BBS9: variants seen among roughly 807,000 people sequenced by gnomAD.
BBS9 encodes the protein Bardet-Biedl syndrome 9.
Under a neutral mutation model 117.7 loss-of-function variants are expected in BBS9, and 89 were observed. That is an observed-to-expected ratio of 0.76 (90% confidence interval 0.64 to 0.90). BBS9 has a LOEUF of 0.90. Among genes scored for constraint, BBS9 ranks in the 40% least tolerant of loss-of-function variants. BBS9 has a pLI of 0.00. For synonymous variants in BBS9, 379 were observed against 370.9 expected, an observed-to-expected ratio of 1.02 and a Z score of -0.25; for missense variants, 982 against 1,042.2, an observed-to-expected ratio of 0.94 and a Z score of 0.80.
intron 9 of BBS9, among the ~76,000 whole-genome samples, chr7:33,299,285 C>T (rs1021963011): frequency 3.3e-5 from 5 of 151,838 alleles, no homozygotes; most frequent in African/African-American, 4.8e-5. Flanking sequence ...TTCAAATTAC[C>T]CTTATTTTTG....
At chr7:33,159,969 C>T (rs1794613544) in intron 4 of BBS9, among the ~76,000 whole-genome samples, 1 of 152,142 alleles carries the variant, frequency 6.6e-6, no homozygotes, top group Admixed American at 6.6e-5. Context: ...AATAAGCAGT[C>T]TCTTTGTTAG....
At chr7:33,292,254 G>T (rs115236301) in intron 9 of BBS9, among the ~76,000 whole-genome samples, 1 of 151,948 alleles carries the variant, frequency 6.6e-6, no homozygotes, top group South Asian at 2.1e-4. Context: ...CTGAGACAAG[G>T]CCTCCCTCTG....
intron 5 of BBS9, among the ~76,000 whole-genome samples, chr7:33,231,674 A>G (rs1042138484): frequency 6.6e-6 from 1 of 152,026 alleles, no homozygotes; most frequent in Non-Finnish European, 1.5e-5. Flanking sequence ...GAAGTAGGTA[A>G]TTTAGATGCT....
chr7:33,232,550 G>A (rs1259888675), intron 5 of BBS9, among the ~76,000 whole-genome samples: 1 of 151,890 alleles, frequency 6.6e-6, no homozygotes. Context: ...AGATGCTAGA[G>A]CTCATCATTA....
At chr7:33,363,229 A>C (rs570274364) in intron 16 of BBS9, among the ~76,000 whole-genome samples, 1 of 152,140 alleles carries the variant, frequency 6.6e-6, no homozygotes, top group East Asian at 1.9e-4. Flanking sequence ...CAGCCTCCCA[A>C]GTAGTTGGGA....
chr7:33,469,754 A>G (rs1056898363), intron 19 of BBS9, among the ~76,000 whole-genome samples: 4 of 152,124 alleles, frequency 2.6e-5, no homozygotes, highest in African/African-American at 9.7e-5. Flanking sequence ...CAAAGAAAAG[A>G]AAGAAAAAGA....
chr7:33,594,689 G>A (rs940697471), intron 21 of BBS9, among the ~76,000 whole-genome samples: 2 of 152,080 alleles, frequency 1.3e-5, no homozygotes, highest in African/African-American at 2.4e-5. Flanking sequence ...TACCTAGAGA[G>A]CAACAGCAGC....
intron 20 of BBS9, among the ~76,000 whole-genome samples, chr7:33,511,538 A>G (rs1846967521): frequency 6.6e-6 from 1 of 152,156 alleles, no homozygotes; most frequent in Admixed American, 6.6e-5. Context: ...ACTAGATATT[A>G]TCTATAATTT....
intron 21 of BBS9, among the ~76,000 whole-genome samples, chr7:33,618,811 A>G (rs565652262): frequency 1.3e-5 from 2 of 152,188 alleles, no homozygotes; most frequent in African/African-American, 2.4e-5. Flanking sequence ...GATGTTTTAC[A>G]TAAGCCTCAT....
chr7:33,295,150 C>T (rs975324618), intron 9 of BBS9, among the ~76,000 whole-genome samples: 5 of 152,244 alleles, frequency 3.3e-5, no homozygotes, highest in East Asian at 1.9e-4. Context: ...GGCAAGCATA[C>T]GTATTCTACC....
At chr7:33,281,840 G>T (rs1801968014) in intron 9 of BBS9, among the ~76,000 whole-genome samples, 2 of 151,586 alleles carry the variant, frequency 1.3e-5, no homozygotes, top group South Asian at 4.2e-4. Flanking sequence ...TTTGTGACAG[G>T]GTCTTGCTTT....
At chr7:33,307,965 T>C (rs1050302100) in intron 9 of BBS9, among the ~76,000 whole-genome samples, 2 of 152,206 alleles carry the variant, frequency 1.3e-5, no homozygotes, top group African/African-American at 2.4e-5. Context: ...TGCTAGGTAT[T>C]GTTAGCACAT....
intron 6 of BBS9, among the ~76,000 whole-genome samples, chr7:33,260,546 T>G (rs1268223980): frequency 6.6e-6 from 1 of 152,248 alleles, no homozygotes; most frequent in Non-Finnish European, 1.5e-5. Flanking sequence ...AGAATCTGTG[T>G]TAAACATCTC....
chr7:33,320,717 A>G (rs1425839344), intron 9 of BBS9, among the ~76,000 whole-genome samples: 1 of 152,102 alleles, frequency 6.6e-6, no homozygotes, highest in East Asian at 1.9e-4. Context: ...ACAATGTATG[A>G]GTGTTCCCTT....
At chr7:33,278,698 G>A (rs891320609) in intron 9 of BBS9, among the ~76,000 whole-genome samples, 1 of 152,108 alleles carries the variant, frequency 6.6e-6, no homozygotes, top group Non-Finnish European at 1.5e-5. Flanking sequence ...CCTATGGGTC[G>A]ACAGTGCCTC....
chr7:33,347,572 A>G (rs1455213440), intron 12 of BBS9, among the ~76,000 whole-genome samples: 2 of 151,982 alleles, frequency 1.3e-5, no homozygotes, highest in African/African-American at 2.4e-5. Context: ...AATTGCATCG[A>G]TAGTTGTCTT....
In BBS9 at chr7:33,380,231, C is replaced by A; in HGVS notation, c.1790-3435C>A. ...GAGGTGACAGCTTGAAGACACTGGT[C>A]ATCATGTCCACACCAGCCTCTCCCA... On this transcript the variant is annotated intron_variant, in intron 17 of 22. Coordinates refer to ENST00000242067, the MANE Select transcript of BBS9 (RefSeq NM_198428.3). 5 of 180,322 alleles carry A rather than the reference C, an allele frequency of 2.8e-5. No homozygotes were observed. In the South Asian group the frequency reaches 6.6e-4, roughly 24 times the overall value. The allele number at this position is 180,322 out of a possible 1,614,324, so 11.2% of individuals were successfully genotyped here. A position where few individuals can be genotyped will look rare whatever the true frequency, so the allele number is the denominator to read the frequency against.
chr7:33,313,113 T>C (rs888597560), intron 9 of BBS9, among the ~76,000 whole-genome samples: 3 of 151,908 alleles, frequency 2.0e-5, no homozygotes, highest in East Asian at 1.9e-4. Flanking sequence ...GATAACACTT[T>C]GTTGAAATGC....
chr7:33,622,634 G>A (rs1254024425), intron 21 of BBS9, among the ~76,000 whole-genome samples: 1 of 152,044 alleles, frequency 6.6e-6, no homozygotes, highest in Non-Finnish European at 1.5e-5. Context: ...CAATTTACAT[G>A]GAAGAGCAAA....
Sources: allele counts gnomAD v4.1 joint callset (sites outside exome capture counted in the v4.1 genomes callset), GRCh38; gene constraint gnomAD v4.1.1; transcripts MANE v1.5; gene names NCBI Gene and HGNC (gene_info 2026-07-23, HGNC 2026-07-21).